LARP1: variants seen among roughly 807,000 people sequenced by gnomAD.
LARP1 encodes the protein La ribonucleoprotein 1, translational regulator, also known as la-related protein 1.
Under a neutral mutation model 122.7 loss-of-function variants are expected in LARP1, and 36 were observed. The ratio of observed to expected loss-of-function variants is 0.29; its 90% CI spans 0.22 to 0.39. LARP1 has a LOEUF of 0.39. LARP1 is among the 10% of genes least tolerant of loss of function. The pLI, the probability that LARP1 is intolerant of heterozygous loss-of-function variation, is 1.00. For synonymous variants in LARP1, 539 were observed against 528.7 expected, an observed-to-expected ratio of 1.02 and a Z score of -0.27; for missense variants, 1,040 against 1,403.6, an observed-to-expected ratio of 0.74 and a Z score of 4.14.
intron 1 of LARP1, among the ~76,000 whole-genome samples, chr5:154,749,098 G>C (rs1280123445): frequency 6.6e-6 from 1 of 152,228 alleles, no homozygotes; most frequent in Non-Finnish European, 1.5e-5. Flanking sequence ...GGGTCAGGCT[G>C]TGCTGGGTGT....
intron 1 of LARP1, among the ~76,000 whole-genome samples, chr5:154,770,837 G>T (rs1042843134): frequency 6.6e-6 from 1 of 151,962 alleles, no homozygotes. Flanking sequence ...TCCTGGCCGG[G>T]CACGGTGGCT....
chr5:154,790,441 TC>T, intron 2 of LARP1, 55 bp downstream of exon 2: 1 of 1,544,016 alleles, frequency 6.5e-7, no homozygotes, highest in Non-Finnish European at 8.9e-7. Flanking sequence ...GTGGCCTCTT[TC>T]CTGTTTTAGT....
chr5:154,699,506 AT>A (rs1006995107), intron 1 of LARP1, among the ~76,000 whole-genome samples: 6 of 141,684 alleles, frequency 4.2e-5, no homozygotes, highest in East Asian at 2.1e-4. Flanking sequence ...AAAAAAAAAA[AT>A]TTAAATAATT....
chr5:154,785,302 T>C (rs552404550), intron 1 of LARP1, among the ~76,000 whole-genome samples: 2 of 152,204 alleles, frequency 1.3e-5, no homozygotes, highest in African/African-American at 2.4e-5. Context: ...CTGTATGAAT[T>C]GAACCAATTA....
intron 1 of LARP1, among the ~76,000 whole-genome samples, chr5:154,716,276 C>T (rs529584906): frequency 5.3e-5 from 8 of 152,068 alleles, no homozygotes; most frequent in East Asian, 1.9e-4. Context: ...CCCGCCACCA[C>T]GCCCAGCTAT....
intron 1 of LARP1, among the ~76,000 whole-genome samples, chr5:154,744,070 G>A (rs1002171285): frequency 6.6e-6 from 1 of 152,106 alleles, no homozygotes; most frequent in Non-Finnish European, 1.5e-5. Flanking sequence ...TCACATGACC[G>A]CAACCGAGAT....
At chr5:154,794,338 A>G (rs1490792333) in intron 7 of LARP1, 76 bp downstream of exon 7, 6 of 1,476,870 alleles carry the variant, frequency 4.1e-6, no homozygotes, top group Non-Finnish European at 5.6e-6. Context: ...ATAGCTGGGC[A>G]GGCCCTTCTG....
At chr5:154,791,827 G>A (rs1473783737) in intron 3 of LARP1, 3 of 371,166 alleles carry the variant, frequency 8.1e-6, no homozygotes, top group Non-Finnish European at 1.7e-5. Context: ...CTGTGTATAA[G>A]TGGACCCACA....
chr5:154,767,549 A>C (rs146533143), intron 1 of LARP1, among the ~76,000 whole-genome samples: 2 of 152,182 alleles, frequency 1.3e-5, no homozygotes, highest in African/African-American at 4.8e-5. Context: ...TTAAGGACTC[A>C]CTGGGGACCA....
chr5:154,788,269 T>C (rs1029657603), intron 1 of LARP1, among the ~76,000 whole-genome samples: 1 of 152,182 alleles, frequency 6.6e-6, no homozygotes, highest in African/African-American at 2.4e-5. Flanking sequence ...CTCTATCCTC[T>C]TGGGATTGAG....
chr5:154,808,414 C>A lies in LARP1; in HGVS notation c.2699-45C>A, dbSNP rs183265433. On this transcript the variant is annotated intron_variant, in intron 15 of 18. Transcript: ENST00000518297. ...GGATCCTTTCTCCCTGAAGCAAGGG[C>A]AGCCTGAACCTGAGACATGCCTTTC... The A allele has an allele frequency of 1.8e-5, 29 of 1,589,936 alleles. No homozygotes were observed. In the African/African-American group the frequency reaches 3.4e-4, roughly 18 times the overall value.
In LARP1 at chr5:154,755,431, G is replaced by GGGGA. The variant is rs1209735838; in HGVS notation, c.-318_-315dup. ...AAGCCCGGGCCGCCCCGGGGGCGGG[G>GGGGA]GGGAGGGAGGGACGGGACTAGAAGC... On this transcript the variant is annotated 5_prime_UTR_variant, in exon 1 of 19. Transcript: ENST00000518297. The GGGGA allele has an allele frequency of 4.1e-6, 2 of 489,480 alleles. No homozygotes were observed. Among genetic ancestry groups the GGGGA allele is most frequent in the African/African-American group, 4.2e-5 (2 of 47,608 alleles). The allele number at this position is 489,480 out of a possible 1,614,324, so 30.3% of individuals were successfully genotyped here.
intron 16 of LARP1, among the ~76,000 whole-genome samples, chr5:154,810,426 ACT>A (rs1759169629): frequency 1.3e-5 from 2 of 150,612 alleles, no homozygotes; most frequent in Non-Finnish European, 3.0e-5. Context: ...ACTGAGCGAG[ACT>A]CTGTCTCAAA....
chr5:154,712,492 G>T (rs115050585), upstream of LARP1, among the ~76,000 whole-genome samples: 245 of 152,324 alleles, frequency 1.6e-3, no homozygotes, highest in African/African-American at 5.5e-3. Context: ...CCACTGAAAA[G>T]AGAAGATGTA....
intron 1 of LARP1, among the ~76,000 whole-genome samples, chr5:154,780,620 G>A (rs1756347419): frequency 6.6e-6 from 1 of 152,216 alleles, no homozygotes; most frequent in Admixed American, 6.5e-5. Context: ...TTTTCTGTAT[G>A]TACAATGAGA....
At chr5:154,728,786 C>A (rs1026757812) in intron 1 of LARP1, among the ~76,000 whole-genome samples, 6 of 152,184 alleles carry the variant, frequency 3.9e-5, no homozygotes, top group African/African-American at 1.2e-4. Flanking sequence ...CAGCCACTAT[C>A]TTTAGGGTTG....
intron 8 of LARP1, among the ~76,000 whole-genome samples, chr5:154,796,012 TTTA>T (rs1757764214): frequency 2.0e-5 from 2 of 101,534 alleles, no homozygotes; most frequent in South Asian, 5.3e-4. Flanking sequence ...ATATTATATA[TTTA>T]TATATTATAT....
Position 154,699,502 on chromosome 5 carries a change from A to C in LARP1, c.-180+16465A>C, listed in dbSNP as rs892431538. On this transcript the variant is annotated intron_variant, in intron 1 of 18. Transcript: ENST00000687700. ...AGACCCCTCTTTCTACAAAAAAAAA[A>C]AAAATTTAAATAATTAAAACATAAA... Among the ~76,000 whole-genome samples the C allele has an allele frequency of 2.6e-3, 402 of 152,298 alleles. 3 individuals carry two copies. Among genetic ancestry groups the C allele is most frequent in the African/African-American group, 8.6e-3 (358 of 41,576 alleles).
Position 154,747,917 on chromosome 5 carries a change from C to A in LARP1, c.205+34787C>A, listed in dbSNP as rs114086518. Reference sequence around the variant, plus strand: ...TGTCACCCAGGTTGGAGTGCAATGGCATGATCAATAGCTCACTGCAACTTC... The same window carrying A: ...TGTCACCCAGGTTGGAGTGCAATGGAATGATCAATAGCTCACTGCAACTTC... On this transcript the variant is annotated intron_variant, in intron 1 of 18. Coordinates refer to the LARP1 transcript ENST00000336314. Among the ~76,000 whole-genome samples, 651 of 152,222 alleles carry A rather than the reference C, an allele frequency of 4.3e-3. 1 individual carries two copies. Among genetic ancestry groups the A allele is most frequent in the African/African-American group, 0.015 (614 of 41,538 alleles).
Sources: allele counts gnomAD v4.1 joint callset (sites outside exome capture counted in the v4.1 genomes callset), GRCh38; gene constraint gnomAD v4.1.1; transcripts MANE v1.5; gene names NCBI Gene and HGNC (gene_info 2026-07-23, HGNC 2026-07-21).